Variants in PIBF1 observed in about 807,000 individuals in gnomAD.
PIBF1 encodes the protein progesterone-induced-blocking factor 1.
In PIBF1, 90 loss-of-function variants were observed where a neutral mutation model predicts 112.5. The ratio of observed to expected loss-of-function variants is 0.80; its 90% CI spans 0.67 to 0.95. PIBF1 has a LOEUF of 0.95. Ranked by LOEUF, PIBF1 falls within the 40% of genes least tolerant of loss-of-function variation. PIBF1 has a pLI of 0.00. For synonymous variants in PIBF1, 301 were observed against 288.6 expected (o/e 1.04, Z -0.44); for missense variants, 915 against 852.3 (o/e 1.07, Z -0.92).
At chr13:72,997,744 G>A (rs2043726431) in intron 16 of PIBF1, among the ~76,000 whole-genome samples, 1 of 152,146 alleles carries the variant, frequency 6.6e-6, no homozygotes, top group Admixed American at 6.5e-5. Flanking sequence ...GATACAATAA[G>A]ATAATAGGAA....
At chr13:72,790,510 CATAGATAGAT>C (rs1401159740) in intron 2 of PIBF1, among the ~76,000 whole-genome samples, 2 of 140,044 alleles carry the variant, frequency 1.4e-5, no homozygotes, top group Non-Finnish European at 3.0e-5. Flanking sequence ...CACACACACA[CATAGATAGAT>C]AGATAGATAG....
chr13:72,991,719 A>G (rs2043487146), intron 16 of PIBF1, among the ~76,000 whole-genome samples: 1 of 135,864 alleles, frequency 7.4e-6, no homozygotes, highest in Non-Finnish European at 1.6e-5. Context: ...CCCCATCTCA[A>G]TTTTTTTTTT....
intron 11 of PIBF1, among the ~76,000 whole-genome samples, chr13:72,907,720 T>C (rs1260099970): frequency 1.3e-5 from 2 of 152,162 alleles, no homozygotes; most frequent in Admixed American, 6.5e-5. Context: ...CAGTATATTA[T>C]GTTGTATTAG....
chr13:72,879,734 A>G (rs2039545638), intron 10 of PIBF1, among the ~76,000 whole-genome samples: 1 of 152,140 alleles, frequency 6.6e-6, no homozygotes, highest in South Asian at 2.1e-4. Context: ...CCAGCCTACC[A>G]TCTGTTTTTG....
At position 72,798,033 on chromosome 13, in the gene PIBF1, A is replaced by G; in HGVS notation, c.672+7A>G. On this transcript the variant is annotated splice_region_variant and intron_variant, in intron 5 of 17. Coordinates refer to ENST00000326291, the MANE Select transcript of PIBF1 (RefSeq NM_006346.4). ...ACTGAAGCAGCTGACAGAGGTTTGT[A>G]TGGTTTTGATTGCTGGTGGGAAGAA... is the stretch of plus-strand genomic sequence containing the variant. The G allele has an allele frequency of 6.3e-7, 1 of 1,585,752 alleles. No individual in the cohort carries two copies. The highest frequency in any genetic ancestry group is 8.5e-7 in the Non-Finnish European group (1 of 1,170,516).
intron 11 of PIBF1, among the ~76,000 whole-genome samples, chr13:72,898,393 AC>A (rs2040360217): frequency 6.6e-6 from 1 of 152,030 alleles, no homozygotes; most frequent in African/African-American, 2.4e-5. Flanking sequence ...CTAAGGTCAC[AC>A]CTCAAGGAAC....
At chr13:72,793,930 G>T (rs531576982) in intron 3 of PIBF1, among the ~76,000 whole-genome samples, 8 of 152,274 alleles carry the variant, frequency 5.3e-5, no homozygotes, top group South Asian at 2.1e-4. Context: ...GAAAAGTCTC[G>T]TGTAGAGGTA....
At chr13:72,848,857 CTT>C (rs1442383768) in intron 9 of PIBF1, among the ~76,000 whole-genome samples, 1 of 151,590 alleles carries the variant, frequency 6.6e-6, no homozygotes, top group Non-Finnish European at 1.5e-5. Flanking sequence ...GAACTTAACT[CTT>C]TAAGTTTCTC....
At chr13:72,979,906 C>T (rs1171144758) in intron 16 of PIBF1, among the ~76,000 whole-genome samples, 1 of 151,922 alleles carries the variant, frequency 6.6e-6, no homozygotes, top group Admixed American at 6.6e-5. Flanking sequence ...TTGGCAACGA[C>T]AGAGCAAGAC....
At chr13:72,982,342 G>A (rs1158707413) in intron 16 of PIBF1, among the ~76,000 whole-genome samples, 1 of 152,122 alleles carries the variant, frequency 6.6e-6, no homozygotes, top group East Asian at 1.9e-4. Context: ...AAGCTGAGGT[G>A]AGAGGATTGC....
chr13:72,799,801 TG>T (rs911029149), intron 5 of PIBF1, among the ~76,000 whole-genome samples: 6 of 152,154 alleles, frequency 3.9e-5, no homozygotes, highest in Non-Finnish European at 7.3e-5. Context: ...CTTCTTACTG[TG>T]TAGTAGGAGG....
intron 10 of PIBF1, among the ~76,000 whole-genome samples, chr13:72,885,769 C>G (rs1024972214): frequency 7.9e-5 from 12 of 152,258 alleles, no homozygotes; most frequent in Admixed American, 4.6e-4. Context: ...AGAAGTTCCA[C>G]AAGTGATTCT....
At chr13:72,962,101 A>G (rs1324192280) in intron 14 of PIBF1, among the ~76,000 whole-genome samples, 3 of 152,182 alleles carry the variant, frequency 2.0e-5, no homozygotes, top group African/African-American at 7.2e-5. Context: ...CTTATAATTT[A>G]TTACTATACA....
chr13:72,794,616 A>G (rs566125430), intron 3 of PIBF1, among the ~76,000 whole-genome samples: 1 of 152,282 alleles, frequency 6.6e-6, no homozygotes, highest in East Asian at 1.9e-4. Context: ...TAAGTCTCAC[A>G]AGATCTGATG....
intron 11 of PIBF1, among the ~76,000 whole-genome samples, chr13:72,900,256 A>G (rs1174854594): frequency 2.0e-5 from 3 of 152,176 alleles, no homozygotes; most frequent in Non-Finnish European, 1.5e-5. Flanking sequence ...AAAAAATTCT[A>G]AAATTCATGT....
At chr13:72,994,890 G>C (rs576984764) in intron 16 of PIBF1, among the ~76,000 whole-genome samples, 2 of 152,274 alleles carry the variant, frequency 1.3e-5, no homozygotes, top group South Asian at 4.1e-4. Flanking sequence ...GGGATCTCAT[G>C]AATCATGATC....
intron 14 of PIBF1, among the ~76,000 whole-genome samples, chr13:72,945,501 A>G (rs930939200): frequency 6.6e-6 from 1 of 152,160 alleles, no homozygotes; most frequent in African/African-American, 2.4e-5. Context: ...TTACATTCCT[A>G]CCAACAATAT....
chr13:72,793,627 A>G (rs1300612523), intron 3 of PIBF1, among the ~76,000 whole-genome samples: 1 of 152,220 alleles, frequency 6.6e-6, no homozygotes, highest in Non-Finnish European at 1.5e-5. Context: ...TGCTGCTGAG[A>G]GGGCAGTCAC....
chr13:72,898,941 A>T (rs533537020), intron 11 of PIBF1, among the ~76,000 whole-genome samples: 1 of 152,092 alleles, frequency 6.6e-6, no homozygotes, highest in Non-Finnish European at 1.5e-5. Flanking sequence ...GAAACAGGAG[A>T]TATTACAACT....
Sources: gnomAD v4.1 joint callset for allele counts (sites outside exome capture counted in the v4.1 genomes callset) on GRCh38, gnomAD v4.1.1 for gene constraint, MANE v1.5 for transcripts, NCBI Gene and HGNC (gene_info 2026-07-23, HGNC 2026-07-21) for gene names.